The following ST3GAL2 variants were observed in gnomAD, a reference collection of about 807,000 sequenced individuals.
The protein encoded by ST3GAL2 is CMP-N-acetylneuraminate-beta-galactosamide-alpha-2,3-sialyltransferase 2.
In ST3GAL2, 16 loss-of-function variants were observed where a neutral mutation model predicts 37.5. The ratio of observed to expected loss-of-function variants is 0.43; its 90% CI spans 0.29 to 0.65. The LOEUF (loss-of-function observed/expected upper bound fraction) is 0.65, where lower values mean the gene tolerates loss of function less well. ST3GAL2 is among the 30% of genes least tolerant of loss of function. ST3GAL2 has a pLI of 0.17. For synonymous variants in ST3GAL2, 238 were observed against 202.9 expected (o/e 1.17, Z -1.47); for missense variants, 383 against 487.8 (o/e 0.79, Z 2.02).
intron 5 of ST3GAL2, 97 bp from the exon 6 acceptor site, chr16:70,383,021 T>C: frequency 1.9e-6 from 3 of 1,578,348 alleles, no homozygotes; most frequent in Non-Finnish European, 2.6e-6. Flanking sequence ...GTCAGAGACC[T>C]GTGCGTCTGT....
chr16:70,402,283 C>CAAAAAAAAAAAAAAA (rs1042560583), intron 1 of ST3GAL2, among the ~76,000 whole-genome samples: 1 of 40,714 alleles, frequency 2.5e-5, no homozygotes, highest in Admixed American at 2.6e-4. Flanking sequence ...AACTATTTCT[C>CAAAAAAAAAAAAAAA]AAAAAAAAAA....
At position 70,413,078 on chromosome 16, in the gene ST3GAL2, G is replaced by A. The variant is rs535264258; in HGVS notation, c.-1003-13545C>T. ...AGCCTGGCCAACATGGTGAAACCCC[G>A]TATCTACTAATAATACAAAAAATAA... On this transcript the variant is annotated intron_variant, in intron 1 of 6. Transcript: ENST00000342907. Among the ~76,000 whole-genome samples, 48 of 150,984 alleles carry A rather than the reference G, an allele frequency of 3.2e-4. 2 individuals carry two copies. The South Asian group carries it at 9.7e-3, about 31-fold the overall frequency.
At position 70,398,610 on chromosome 16, in the gene ST3GAL2, T is replaced by A; in HGVS notation, c.-80A>T. On this transcript the variant is annotated 5_prime_UTR_variant, in exon 2 of 7. The change abolishes the stop of an existing upstream ORF in the 5' untranslated region. Coordinates refer to ENST00000342907, the MANE Select transcript of ST3GAL2 (RefSeq NM_006927.4). ...GGGGCCAGCCACGGCGTAGCCTGCC[T>A]ATTCTGGCACCACATGCAAAGGGCA... 1 of 1,379,160 alleles carries A rather than the reference T, an allele frequency of 7.3e-7. No homozygotes were observed. Among genetic ancestry groups the A allele is most frequent in the South Asian group, 1.4e-5 (1 of 73,116 alleles). 85.4% of individuals were successfully genotyped at this position (1,379,160 alleles called of 1,614,324 possible).
chr16:70,398,599 C>T lies in ST3GAL2; in HGVS notation c.-69G>A. 6 of 1,431,874 alleles carry T rather than the reference C, an allele frequency of 4.2e-6. No homozygotes were observed. Among genetic ancestry groups the T allele is most frequent in the South Asian group, 2.6e-5 (2 of 75,818 alleles). The allele number at this position is 1,431,874 out of a possible 1,614,324, so 88.7% of individuals were successfully genotyped here. On this transcript the variant is annotated 5_prime_UTR_variant, in exon 2 of 7. Transcript: ENST00000342907. ...CAGCCCGCTGAGGGGCCAGCCACGG[C>T]GTAGCCTGCCTATTCTGGCACCACA...
chr16:70,411,037 G>A (rs1597569152), intron 1 of ST3GAL2, among the ~76,000 whole-genome samples: 1 of 152,132 alleles, frequency 6.6e-6, no homozygotes, highest in Non-Finnish European at 1.5e-5. Flanking sequence ...GACCAGCTCA[G>A]GTCAATGAGA....
rs1023944256 is a variant in ST3GAL2 at position 70,413,704 on chromosome 16, C to G, written c.-1003-14171G>C. Among the ~76,000 whole-genome samples the G allele has an allele frequency of 9.9e-5, 15 of 151,218 alleles. No individual in the cohort carries two copies. In the South Asian group the frequency reaches 1.9e-3, roughly 19 times the overall value. On this transcript the variant is annotated intron_variant, in intron 1 of 6. Transcript: ENST00000342907. Reference sequence around the variant, plus strand: ...TGAGTAGAGATCATGCCATTGCACTCCAGCCTGGGCAACAAAAGCGAAACT... The same window carrying G: ...TGAGTAGAGATCATGCCATTGCACTGCAGCCTGGGCAACAAAAGCGAAACT...
chr16:70,392,472 C>T (rs1173495531), intron 3 of ST3GAL2, among the ~76,000 whole-genome samples: 1 of 152,214 alleles, frequency 6.6e-6, no homozygotes, highest in Non-Finnish European at 1.5e-5. Flanking sequence ...TGGTTAGGAC[C>T]TGATGTTGGC....
At chr16:70,432,850 G>A (rs2047800416) in intron 1 of ST3GAL2, among the ~76,000 whole-genome samples, 1 of 152,224 alleles carries the variant, frequency 6.6e-6, no homozygotes. Flanking sequence ...AAGCACAGAA[G>A]GGGAAGGAGG....
intron 1 of ST3GAL2, among the ~76,000 whole-genome samples, chr16:70,417,964 G>A (rs1432803700): frequency 2.6e-5 from 4 of 152,162 alleles, no homozygotes; most frequent in Non-Finnish European, 5.9e-5. Flanking sequence ...ATAGGATTCA[G>A]AATGCCAGGT....
chr16:70,420,024 CTTT>C (rs58254114), intron 1 of ST3GAL2, among the ~76,000 whole-genome samples: 4 of 131,530 alleles, frequency 3.0e-5, no homozygotes, highest in Admixed American at 7.9e-5. Context: ...CCCCCCTTCC[CTTT>C]TTTTTTTTTT....
intron 1 of ST3GAL2, among the ~76,000 whole-genome samples, chr16:70,437,087 C>T (rs533444575): frequency 3.3e-5 from 5 of 152,288 alleles, no homozygotes; most frequent in Admixed American, 2.6e-4. Context: ...AGGCCATAGC[C>T]AGTGGCTCTC....
At chr16:70,395,756 C>T (rs1293537301) in intron 2 of ST3GAL2, among the ~76,000 whole-genome samples, 2 of 152,146 alleles carry the variant, frequency 1.3e-5, no homozygotes, top group East Asian at 1.9e-4. Context: ...TGAAACGAGG[C>T]AGCACCAACC....
chr16:70,389,285 C>T (rs1390461662), intron 3 of ST3GAL2, among the ~76,000 whole-genome samples: 2 of 120,306 alleles, frequency 1.7e-5, no homozygotes, highest in South Asian at 6.1e-4. Context: ...TTACTGTATA[C>T]ATTTTTATTT....
rs917684996 is a variant in ST3GAL2, at chr16:70,376,460, G to T, written c.*5229C>A. ...GTTAATTCCACACTCTGAGGACCAG[G>T]CTGGCCCAGATACATACTGCTCCTC... On this transcript the variant is annotated 3_prime_UTR_variant, in exon 7 of 7. Transcript: ENST00000342907. 2.0e-5 allele frequency: 3 copies of T among 152,132 alleles called. No individual in the cohort carries two copies. Among genetic ancestry groups the T allele is most frequent in the Non-Finnish European group, 4.4e-5 (3 of 68,044 alleles). 9.4% of individuals were successfully genotyped at this position (152,132 alleles called of 1,614,324 possible). A position where few individuals can be genotyped will look rare whatever the true frequency, so the allele number is the denominator to read the frequency against.
intron 1 of ST3GAL2, among the ~76,000 whole-genome samples, chr16:70,420,009 T>G (rs1249785208): frequency 8.9e-6 from 1 of 112,310 alleles, no homozygotes; most frequent in African/African-American, 3.4e-5. Context: ...ACTGACCATT[T>G]GACCCCCCCC....
intron 1 of ST3GAL2, among the ~76,000 whole-genome samples, chr16:70,429,305 T>C (rs1481026997): frequency 6.6e-6 from 1 of 152,060 alleles, no homozygotes; most frequent in Non-Finnish European, 1.5e-5. Context: ...GAAGAATGAA[T>C]CCCTGAGGCC....
At chr16:70,429,119 G>A (rs1417775940) in intron 1 of ST3GAL2, among the ~76,000 whole-genome samples, 1 of 152,194 alleles carries the variant, frequency 6.6e-6, no homozygotes, top group Non-Finnish European at 1.5e-5. Flanking sequence ...AGCCTGAGTT[G>A]TCCAGGGAGA....
intron 1 of ST3GAL2, among the ~76,000 whole-genome samples, chr16:70,431,970 A>ATATATATAT (rs1555562174): frequency 5.6e-5 from 8 of 144,130 alleles, no homozygotes; most frequent in African/African-American, 2.3e-4. Context: ...TCTTAAAAAA[A>ATATATATAT]ATATATATAT....
At chr16:70,391,629 C>G (rs879698636) in intron 3 of ST3GAL2, among the ~76,000 whole-genome samples, 2 of 152,190 alleles carry the variant, frequency 1.3e-5, no homozygotes, top group Non-Finnish European at 2.9e-5. Context: ...GAGAGGAAGC[C>G]TTAACAGGGG....
Sources: gnomAD v4.1 joint callset for allele counts (sites outside exome capture counted in the v4.1 genomes callset) on GRCh38, gnomAD v4.1.1 for gene constraint, MANE v1.5 for transcripts, NCBI Gene and HGNC (gene_info 2026-07-23, HGNC 2026-07-21) for gene names.